The following FKBP6 variants were observed in gnomAD, a reference collection of about 807,000 sequenced individuals.
FKBP6 encodes the protein FKBP prolyl isomerase family member 6 (inactive).
A neutral mutation model predicts 41.7 loss-of-function variants in FKBP6; 29 were observed. The observed-to-expected ratio is 0.70, with a 90% CI of 0.52 to 0.95. FKBP6 has a LOEUF of 0.95. FKBP6 is among the 40% of genes least tolerant of loss of function. The pLI is 0.00. For missense variants in FKBP6, 338 were observed against 408.7 expected (o/e 0.83, Z 1.49); for synonymous variants, 130 against 165.1 (o/e 0.79, Z 1.63).
intron 5 of FKBP6, among the ~76,000 whole-genome samples, chr7:73,337,822 C>T (rs1259065931): frequency 6.6e-6 from 1 of 151,840 alleles, no homozygotes; most frequent in African/African-American, 2.4e-5. Flanking sequence ...TATCTAATTC[C>T]AGAACATTTT....
intron 5 of FKBP6, among the ~76,000 whole-genome samples, chr7:73,340,375 G>A (rs143430577): frequency 4.3e-4 from 66 of 152,208 alleles, no homozygotes; most frequent in African/African-American, 1.5e-3. Context: ...AAATTAGCCG[G>A]GCATGGTGGT....
intron 5 of FKBP6, among the ~76,000 whole-genome samples, chr7:73,339,716 T>G (rs1554549109): frequency 1.3e-5 from 2 of 151,148 alleles, no homozygotes; most frequent in Non-Finnish European, 1.5e-5. Context: ...CATGTTCAAG[T>G]GATTCTCCTG....
At chr7:73,339,612 CTTT>C (rs781918379) in intron 5 of FKBP6, among the ~76,000 whole-genome samples, 2 of 129,052 alleles carry the variant, frequency 1.5e-5, no homozygotes, top group Non-Finnish European at 1.7e-5. Context: ...CCATGTGACT[CTTT>C]TTTTTTTTTT....
intron 5 of FKBP6, among the ~76,000 whole-genome samples, chr7:73,337,466 TACC>T (rs1445659542): frequency 6.6e-6 from 1 of 151,854 alleles, no homozygotes; most frequent in African/African-American, 2.4e-5. Context: ...AAGCGCCTGC[TACC>T]ACATCCAGCT....
intron 5 of FKBP6, chr7:73,336,959 C>G: frequency 3.3e-6 from 1 of 300,032 alleles, no homozygotes; most frequent in Non-Finnish European, 6.8e-6. Context: ...CTTGAAACTT[C>G]CTGGTCTGAG....
intron 6 of FKBP6, 80 bp downstream of exon 6, chr7:73,340,912 GCT>G: frequency 1.3e-6 from 1 of 745,408 alleles, no homozygotes; most frequent in Non-Finnish European, 2.2e-6. Context: ...CTGCAAAAAT[GCT>G]GTCTTTTTTT....
chr7:73,356,303 A>C (rs1226949532), intron 8 of FKBP6, among the ~76,000 whole-genome samples: 3 of 152,172 alleles, frequency 2.0e-5, no homozygotes, highest in Admixed American at 2.0e-4. Flanking sequence ...AGATAGACAC[A>C]CAGAAACATG....
At chr7:73,350,767 C>T (rs1323398060) in intron 8 of FKBP6, among the ~76,000 whole-genome samples, 1 of 152,096 alleles carries the variant, frequency 6.6e-6, no homozygotes. Flanking sequence ...GAGGTGAGCC[C>T]CGGAGCAGCG....
At chr7:73,328,834 G>C in intron 2 of FKBP6, 142 bp downstream of exon 2, 1 of 1,476,946 alleles carries the variant, frequency 6.8e-7, no homozygotes, top group Non-Finnish European at 9.4e-7. Context: ...TTTGAAACGG[G>C]GTCTTGCTCA....
chr7:73,328,380 C>G lies in FKBP6; in HGVS notation c.-49C>G, dbSNP rs1295614805. The G allele has an allele frequency of 1.9e-6, 3 of 1,569,420 alleles. No individual in the cohort carries two copies. Among genetic ancestry groups the G allele is most frequent in the Non-Finnish European group, 2.6e-6 (3 of 1,158,248 alleles). ...CCAGAGTCACAGCCAGGGAGGGCAGCGGGGCGCACCAGGCCGAAGGCTCAC... is the reference window on the plus strand; with the variant it reads ...CCAGAGTCACAGCCAGGGAGGGCAGGGGGGCGCACCAGGCCGAAGGCTCAC... On this transcript the variant is annotated 5_prime_UTR_variant, in exon 1 of 9. Transcript: ENST00000252037.
Position 73,340,638 on chromosome 7 carries a change from GC to G in FKBP6, c.592del (p.Leu198TyrfsTer26). ...GACCATCTGCCTTCCCTCTCCACAG[GC>G]CCTATTGCTTCTGCGCCGGCGATCA... is the stretch of plus-strand genomic sequence containing the variant. ...FYDAKVRYKR[A>X]LLLLRRRSAP... is the part of the protein sequence containing the mutation. On this transcript the variant is annotated frameshift_variant and splice_region_variant, in exon 6 of 9. Transcript: ENST00000252037. LOFTEE classifies it high-confidence loss of function. 6.2e-7 allele frequency: 1 copy of G among 1,612,946 alleles called. No individual in the cohort carries two copies. The highest frequency in any genetic ancestry group is 8.5e-7 in the Non-Finnish European group (1 of 1,179,766).
At chr7:73,329,671 A>G (rs1804772521) in intron 3 of FKBP6, 1 of 601,136 alleles carries the variant, frequency 1.7e-6, no homozygotes, top group East Asian at 2.8e-5. Flanking sequence ...TTAACTAACC[A>G]CTGGGAATGT....
At chr7:73,334,047 G>A (rs1804929213) in intron 5 of FKBP6, among the ~76,000 whole-genome samples, 1 of 152,114 alleles carries the variant, frequency 6.6e-6, no homozygotes, top group African/African-American at 2.4e-5. Flanking sequence ...ACTGCAGCCA[G>A]GGGAATAAGA....
chr7:73,340,520 G>T, intron 5 of FKBP6, 118 bp from the exon 6 acceptor site: 1 of 775,068 alleles, frequency 1.3e-6, no homozygotes, highest in Non-Finnish European at 2.3e-6. Context: ...TGTTGATCTT[G>T]TGTCTTGCAA....
intron 8 of FKBP6, among the ~76,000 whole-genome samples, chr7:73,350,493 G>A (rs1011152946): frequency 5.3e-5 from 8 of 152,050 alleles, no homozygotes; most frequent in Non-Finnish European, 1.2e-4. Flanking sequence ...ACCCCGAAGC[G>A]GCCATGCACT....
In FKBP6 at chr7:73,328,689, C is replaced by A; in HGVS notation, c.172C>A (p.Leu58Ile). 1 of 1,611,936 alleles carries A rather than the reference C, an allele frequency of 6.2e-7. No individual in the cohort carries two copies. The highest frequency in any genetic ancestry group is 8.5e-7 in the Non-Finnish European group (1 of 1,179,854). The change falls in exon 2 of 9, where the codon CTA (leucine) becomes ATA (isoleucine). Residue 58 changes from leucine (L) to isoleucine (I), a missense_variant. Physicochemically the swap from Leu to Ile is conservative, Grantham distance 5. Around this residue, in one of 2 missense-constraint regions of FKBP6, gnomAD observed 99 missense variants for 158.6 expected, o/e 0.62. Transcript: ENST00000252037. ...CCTAGTGGCGCCTGATGCTTCGGTGCTAGGTACGCCCTGGGGCGGTTTGTC... is the reference window on the plus strand; with the variant it reads ...CCTAGTGGCGCCTGATGCTTCGGTGATAGGTACGCCCTGGGGCGGTTTGTC... Reference protein sequence around the residue: ...GDLVAPDASVLVKYSGYLEHM... With the variant: ...GDLVAPDASVIVKYSGYLEHM...
chr7:73,349,837 G>A lies in FKBP6; in HGVS notation c.*2+6938G>A, dbSNP rs1174667096. On this transcript the variant is annotated intron_variant, in intron 8 of 8. Transcript: ENST00000252037. Reference sequence around the variant, plus strand: ...GCAGCCTGGAAGCTCTCCAAACCCTGTTCTTTCTGGCACAATTGGTTGAAT... The same window carrying A: ...GCAGCCTGGAAGCTCTCCAAACCCTATTCTTTCTGGCACAATTGGTTGAAT... 2.6e-5 allele frequency among the ~76,000 whole-genome samples: 4 copies of A among 151,980 alleles called. No individual in the cohort carries two copies. The East Asian group carries it at 7.7e-4, about 29-fold the overall frequency.
At chr7:73,338,807 C>T (rs1736065336) in intron 5 of FKBP6, among the ~76,000 whole-genome samples, 2 of 152,132 alleles carry the variant, frequency 1.3e-5, no homozygotes, top group South Asian at 4.1e-4. Flanking sequence ...CTATGCATAT[C>T]TGAAAGTTGG....
chr7:73,331,924 C>T (rs1464562238), intron 5 of FKBP6, 148 bp downstream of exon 5: 71 of 765,536 alleles, frequency 9.3e-5, no homozygotes, highest in Non-Finnish European at 1.3e-4. Context: ...AGTGCAGTGG[C>T]GCAATCTCAG....
Sources: allele counts gnomAD v4.1 joint callset (sites outside exome capture counted in the v4.1 genomes callset), GRCh38; gene constraint gnomAD v4.1.1; regional missense constraint gnomAD v4.1.1; transcripts MANE v1.5; gene names NCBI Gene and HGNC (gene_info 2026-07-23, HGNC 2026-07-21).